The following RANBP2 variants were observed in gnomAD, a reference collection of about 807,000 sequenced individuals.
RANBP2 encodes the protein E3 SUMO-protein ligase RanBP2.
A neutral mutation model predicts 303.6 loss-of-function variants in RANBP2; 57 were observed. That is an observed-to-expected ratio of 0.19 (90% CI 0.15 to 0.23). The LOEUF is 0.23. RANBP2 is among the 10% of genes least tolerant of loss of function. RANBP2 has a pLI of 1.00. For synonymous variants in RANBP2, 1,167 were observed against 1,301.5 expected (o/e 0.90, Z 2.23); for missense variants, 3,138 against 3,780.8 (o/e 0.83, Z 4.46).
chr2:109,279,614 T>C, the RANBP2 span, among the ~76,000 whole-genome samples: 1 of 152,148 alleles, frequency 6.6e-6, no homozygotes, highest in Admixed American at 6.5e-5. Context: ...ATACCTTTCT[T>C]CCCCACCCCT....
At chr2:108,734,712 A>G (rs7574679) in intron 4 of RANBP2, among the ~76,000 whole-genome samples, 38,218 of 150,594 alleles carry the variant, frequency 0.25, 5,150 homozygotes, top group African/African-American at 0.34. Context: ...TCAGTGAGGT[A>G]GAAGAATAAC....
At chr2:109,135,248 G>C in the RANBP2 span, among the ~76,000 whole-genome samples, 2 of 152,330 alleles carry the variant, frequency 1.3e-5, no homozygotes, top group Middle Eastern at 3.4e-3. Context: ...TCCCAGGCTG[G>C]TGTCTGAAGC....
chr2:109,598,728 A>G, the RANBP2 span, among the ~76,000 whole-genome samples: 1 of 151,766 alleles, frequency 6.6e-6, no homozygotes, highest in Non-Finnish European at 1.5e-5. Context: ...CTGTAATCCC[A>G]GCTACTCAGG....
chr2:108,826,741 A>G, the RANBP2 span, among the ~76,000 whole-genome samples: 2 of 152,140 alleles, frequency 1.3e-5, no homozygotes, highest in African/African-American at 2.4e-5. Flanking sequence ...TGGCATTTTC[A>G]TATGAATTTC....
Position 108,754,001 on chromosome 2 carries a change from T to C in RANBP2, c.2202+30T>C, listed in dbSNP as rs369160457. 3.1e-5 allele frequency: 50 copies of C among 1,611,526 alleles called. No homozygotes were observed. In the African/African-American group the frequency reaches 4.5e-4, roughly 15 times the overall value. On this transcript the variant is annotated intron_variant, in intron 15 of 28. Transcript: ENST00000283195. ...GTAGCAGGTTGTTGTATGTACGTTC[T>C]TACTGATAACCCACTGGTCAATGTT...
chr2:109,574,556 A>G, the RANBP2 span: 1 of 1,402,020 alleles, frequency 7.1e-7, no homozygotes, highest in Non-Finnish European at 9.4e-7. Flanking sequence ...AAAGTATGGT[A>G]AGTTGATTCC....
At chr2:108,754,197 T>C (rs1676125462) in intron 15 of RANBP2, among the ~76,000 whole-genome samples, 1 of 152,052 alleles carries the variant, frequency 6.6e-6, no homozygotes, top group South Asian at 2.1e-4. Flanking sequence ...AAAGTACTTC[T>C]TGGGGAATTA....
At chr2:109,703,395 C>A in the RANBP2 span, among the ~76,000 whole-genome samples, 1 of 152,198 alleles carries the variant, frequency 6.6e-6, no homozygotes, top group African/African-American at 2.4e-5. Flanking sequence ...TCAGACACTG[C>A]ATAAATTAAA....
chr2:109,624,602 TGTG>T, the RANBP2 span, among the ~76,000 whole-genome samples: 2 of 152,196 alleles, frequency 1.3e-5, no homozygotes, highest in African/African-American at 4.8e-5. Context: ...CTGCTAAAGA[TGTG>T]GTGCAAAGAG....
chr2:109,527,063 A>G, the RANBP2 span, among the ~76,000 whole-genome samples: 1 of 152,218 alleles, frequency 6.6e-6, no homozygotes, highest in Non-Finnish European at 1.5e-5. Flanking sequence ...GCTTATAGAA[A>G]TAATGGATTT....
chr2:109,097,025 G>T, the RANBP2 span, among the ~76,000 whole-genome samples: 2 of 152,056 alleles, frequency 1.3e-5, no homozygotes, highest in African/African-American at 2.4e-5. Flanking sequence ...AAAACTCTGG[G>T]CCAGGCACGG....
At chr2:109,333,407 T>C in the RANBP2 span, among the ~76,000 whole-genome samples, 2 of 152,234 alleles carry the variant, frequency 1.3e-5, no homozygotes, top group South Asian at 4.1e-4. Context: ...GATTCTTGCT[T>C]TTAAAAACAC....
At chr2:109,510,845 A>G in the RANBP2 span, among the ~76,000 whole-genome samples, 2 of 152,224 alleles carry the variant, frequency 1.3e-5, no homozygotes, top group Non-Finnish European at 2.9e-5. Flanking sequence ...GAAGCGGCAG[A>G]GAGCAAAGGT....
At chr2:109,571,940 C>T in the RANBP2 span, among the ~76,000 whole-genome samples, 3 of 152,162 alleles carry the variant, frequency 2.0e-5, no homozygotes, top group Admixed American at 6.5e-5. Flanking sequence ...TTGGGTTGGC[C>T]AGTTACCTCA....
intron 7 of RANBP2, among the ~76,000 whole-genome samples, chr2:108,743,224 C>T (rs826563): frequency 0.26 from 39,050 of 152,104 alleles, 5,344 homozygotes; most frequent in African/African-American, 0.34. Flanking sequence ...TCAAGCTTCC[C>T]AGAGTGCTGG....
At chr2:109,549,642 G>C in the RANBP2 span, among the ~76,000 whole-genome samples, 2 of 152,178 alleles carry the variant, frequency 1.3e-5, no homozygotes, top group African/African-American at 4.8e-5. Context: ...TAAGTCATCA[G>C]TATGGTACGA....
chr2:109,432,370 G>A, the RANBP2 span: 1 of 1,163,626 alleles, frequency 8.6e-7, no homozygotes, highest in South Asian at 1.5e-5. Context: ...GTAAACTGCA[G>A]AGCCCCCATA....
At chr2:109,398,641 G>T in the RANBP2 span, 4 of 1,599,182 alleles carry the variant, frequency 2.5e-6, no homozygotes, top group African/African-American at 2.7e-5. Context: ...ATGCCCAGCC[G>T]CTGCATCCAG....
chr2:109,670,512 G>A, the RANBP2 span, among the ~76,000 whole-genome samples: 1 of 152,092 alleles, frequency 6.6e-6, no homozygotes, highest in African/African-American at 2.4e-5. Context: ...GAGGATTAAG[G>A]GCACTATCAG....
Sources: allele counts gnomAD v4.1 joint callset (sites outside exome capture counted in the v4.1 genomes callset), GRCh38; gene constraint gnomAD v4.1.1; transcripts MANE v1.5; gene names NCBI Gene and HGNC (gene_info 2026-07-23, HGNC 2026-07-21).